TEX9: variants seen among roughly 807,000 people sequenced by gnomAD.
The protein encoded by TEX9 is testis expressed 9, also known as testis-expressed protein 9.
TEX9 carries 74 observed loss-of-function variants against 59.6 expected under a neutral mutation model. The observed-to-expected ratio is 1.24, with a 90% confidence interval of 1.03 to 1.51. The LOEUF is 1.51. Among genes scored for constraint, TEX9 ranks in the 40% most tolerant of loss-of-function variants. TEX9 has a pLI of 0.00. For missense variants in TEX9, 522 were observed against 447.8 expected, an observed-to-expected ratio of 1.17 and a Z score of -1.49; for synonymous variants, 186 against 152.2, an observed-to-expected ratio of 1.22 and a Z score of -1.64.
chr15:56,360,196 A>C (rs902720294), intron 1 of TEX9, among the ~76,000 whole-genome samples: 1 of 152,166 alleles, frequency 6.6e-6, no homozygotes, highest in Non-Finnish European at 1.5e-5. Context: ...TAGTTTTCCT[A>C]TAATGTCTTT....
the TEX9 span, among the ~76,000 whole-genome samples, chr15:56,453,488 G>C: frequency 2.0e-5 from 3 of 152,084 alleles, no homozygotes; most frequent in African/African-American, 7.2e-5. Context: ...GTATAAGCTA[G>C]GTAATGGTAA....
At chr15:56,303,712 A>G (rs558305833) in intron 1 of TEX9, among the ~76,000 whole-genome samples, 8 of 152,312 alleles carry the variant, frequency 5.3e-5, no homozygotes, top group African/African-American at 1.9e-4. Flanking sequence ...ACAAAAGATC[A>G]ATGAAAGGAA....
intron 9 of TEX9, among the ~76,000 whole-genome samples, chr15:56,401,621 G>C (rs868829730): frequency 1.3e-5 from 2 of 152,142 alleles, no homozygotes; most frequent in Non-Finnish European, 2.9e-5. Context: ...CTAGAACTCA[G>C]CTCTGCACAA....
intron 9 of TEX9, chr15:56,395,438 A>T (rs2048420325): frequency 6.6e-6 from 1 of 152,112 alleles, no homozygotes; most frequent in South Asian, 2.1e-4. Flanking sequence ...TTGAATATTC[A>T]TGTACAAGTT....
Position 56,433,205 on chromosome 15 carries a change from A to G in TEX9, c.*29+4732A>G, listed in dbSNP as rs373036533. On this transcript the variant is annotated intron_variant, in intron 12 of 12. Transcript: ENST00000352903. ...CACCCAGTCACCCATTAAAGATGGA[A>G]GTGACACATGGACACAGGGAGAGGA... 2.1e-5 allele frequency among the ~76,000 whole-genome samples: 3 copies of G among 141,906 alleles called. 1 individual carries two copies. Among genetic ancestry groups the G allele is most frequent in the Admixed American group, 7.0e-5 (1 of 14,226 alleles). 93.1% of individuals were successfully genotyped at this position (141,906 alleles called of 152,430 possible).
At chr15:56,255,416 C>T (rs1340359135) in intron 1 of TEX9, among the ~76,000 whole-genome samples, 3 of 151,462 alleles carry the variant, frequency 2.0e-5, no homozygotes, top group African/African-American at 7.3e-5. Flanking sequence ...CACCAGATGG[C>T]AGAAAAAAAG....
chr15:56,272,381 A>G (rs1307664783), intron 1 of TEX9, among the ~76,000 whole-genome samples: 1 of 152,078 alleles, frequency 6.6e-6, no homozygotes, highest in Non-Finnish European at 1.5e-5. Flanking sequence ...CATGTGGCCT[A>G]TTGTGTCTGT....
intron 10 of TEX9, among the ~76,000 whole-genome samples, chr15:56,425,534 A>G (rs2050198987): frequency 6.6e-6 from 1 of 151,652 alleles, no homozygotes; most frequent in Non-Finnish European, 1.5e-5. Context: ...CAGTTACTGT[A>G]TTTTTCAGCT....
chr15:56,373,465 A>G (rs377545486), exon 3 of TEX9: 23 of 1,587,974 alleles, frequency 1.4e-5, no homozygotes, highest in Non-Finnish European at 1.9e-5. Context: ...AATTGCAGGC[A>G]AAAACAGCTG....
chr15:56,394,751 CAA>C lies in TEX9; in HGVS notation c.746_747del (p.Gln249ArgfsTer16). The stretch of plus-strand genomic sequence containing the variant: ...GCGAACAATTAATATGCAACAGTCT[CAA>C]GTAGAAAAATACAAAACTCTTTTCG... On this transcript the variant is annotated frameshift_variant, in exon 9 of 13. Transcript: ENST00000352903. LOFTEE classifies it high-confidence loss of function. 1 of 1,612,586 alleles carries C rather than the reference CAA, an allele frequency of 6.2e-7. No homozygotes were observed. Among genetic ancestry groups the C allele is most frequent in the South Asian group, 1.1e-5 (1 of 90,890 alleles).
chr15:56,321,789 A>G (rs1731773214), intron 1 of TEX9, among the ~76,000 whole-genome samples: 2 of 152,152 alleles, frequency 1.3e-5, no homozygotes, highest in South Asian at 4.1e-4. Flanking sequence ...GCTATCCTCA[A>G]GTACTGATTT....
rs543425807 is a variant in TEX9 at position 56,281,523 on chromosome 15, A to T, written c.-107+37245A>T. 1.4e-4 allele frequency among the ~76,000 whole-genome samples: 22 copies of T among 152,256 alleles called. No homozygotes were observed. The South Asian group carries it at 4.6e-3, about 32-fold the overall frequency. ...ATTTTTGATGATCTGAGGTGGAAAA[A>T]TTTCATCCTAAAACCATCCCTCACC... On this transcript the variant is annotated intron_variant, in intron 1 of 5. Coordinates refer to the TEX9 transcript ENST00000560827.
intron 1 of TEX9, among the ~76,000 whole-genome samples, chr15:56,343,418 TA>T (rs1265860809): frequency 6.6e-6 from 1 of 151,628 alleles, no homozygotes; most frequent in Admixed American, 6.6e-5. Flanking sequence ...AAACAGAAAA[TA>T]AATATATTGT....
intron 1 of TEX9, among the ~76,000 whole-genome samples, chr15:56,278,775 T>G (rs1355788859): frequency 5.3e-5 from 8 of 151,024 alleles, no homozygotes; most frequent in Non-Finnish European, 1.2e-4. Flanking sequence ...CAGTCTGTCA[T>G]GACAACCTCA....
intron 6 of TEX9, among the ~76,000 whole-genome samples, chr15:56,389,915 A>T (rs899910841): frequency 3.9e-5 from 6 of 151,950 alleles, no homozygotes; most frequent in Non-Finnish European, 8.8e-5. Context: ...GGGACCCAAG[A>T]TGCTCCCTAG....
chr15:56,360,818 A>G (rs2046775509), upstream of TEX9, among the ~76,000 whole-genome samples: 1 of 152,162 alleles, frequency 6.6e-6, no homozygotes, highest in African/African-American at 2.4e-5. Flanking sequence ...TATGTACCAG[A>G]TAATTAAGGA....
intron 1 of TEX9, among the ~76,000 whole-genome samples, chr15:56,331,701 A>T (rs886415986): frequency 2.0e-4 from 30 of 152,234 alleles, no homozygotes; most frequent in African/African-American, 2.6e-4. Flanking sequence ...ATAAAAAAAA[A>T]TTTTTAAATA....
Position 56,358,339 on chromosome 15 carries a change from G to GTT in TEX9, c.-106-15089_-106-15088dup, listed in dbSNP as rs34048615. 2.8e-3 allele frequency among the ~76,000 whole-genome samples: 399 copies of GTT among 144,378 alleles called. 1 individual carries two copies. Among genetic ancestry groups the GTT allele is most frequent in the African/African-American group, 6.3e-3 (248 of 39,420 alleles). 94.7% of individuals were successfully genotyped at this position (144,378 alleles called of 152,430 possible). A position where few individuals can be genotyped will look rare whatever the true frequency, so the allele number is the denominator to read the frequency against. ...TTCAAGTTCAGTAATGCATAGATAAGTTTTTTTTTTTTTTCCAGAATCTGG... is the reference window on the plus strand; with the variant it reads ...TTCAAGTTCAGTAATGCATAGATAAGTTTTTTTTTTTTTTTTCCAGAATCTGG... On this transcript the variant is annotated intron_variant, in intron 1 of 5. Coordinates refer to the TEX9 transcript ENST00000560827.
intron 1 of TEX9, among the ~76,000 whole-genome samples, chr15:56,297,126 A>G (rs1213407849): frequency 6.6e-6 from 1 of 152,236 alleles, no homozygotes; most frequent in African/African-American, 2.4e-5. Flanking sequence ...TAGAAATTAT[A>G]TAAAGAGAAC....
Sources: gnomAD v4.1 joint callset for allele counts (sites outside exome capture counted in the v4.1 genomes callset) on GRCh38, gnomAD v4.1.1 for gene constraint, MANE v1.5 for transcripts, NCBI Gene and HGNC (gene_info 2026-07-23, HGNC 2026-07-21) for gene names.